TRPM8: variants seen among roughly 807,000 people sequenced by gnomAD.
TRPM8 encodes TRPM8 cationic channel.
In TRPM8, 110 loss-of-function variants were observed where a neutral mutation model predicts 133.7. The ratio of observed to expected loss-of-function variants is 0.82; its 90% CI spans 0.70 to 0.96. The LOEUF (loss-of-function observed/expected upper bound fraction) is 0.96, where lower values mean the gene tolerates loss of function less well. TRPM8 is among the 40% of genes least tolerant of loss of function. The probability of loss-of-function intolerance (pLI) is 0.00; values close to 1 mark genes in which losing one functional copy is unlikely to be tolerated. For synonymous variants in TRPM8, 535 were observed against 532.3 expected, an observed-to-expected ratio of 1.01 and a Z score of -0.07; for missense variants, 1,291 against 1,379.5, an observed-to-expected ratio of 0.94 and a Z score of 1.02.
At position 233,970,026 on chromosome 2, in the gene TRPM8, T is replaced by C. The variant is rs10929324; in HGVS notation, c.2139-184T>C. The C allele has an allele frequency of 5.3e-3, 3,685 of 690,964 alleles. 100 individuals are homozygous for C. In the African/African-American group the frequency reaches 0.059, roughly 11 times the overall value. 42.8% of individuals were successfully genotyped at this position (690,964 alleles called of 1,614,324 possible). A position where few individuals can be genotyped will look rare whatever the true frequency, so the allele number is the denominator to read the frequency against. Reference sequence around the variant, plus strand: ...TGTCTTTAATATCTGGGGCAGAATGTGGATTTGTTAATTGCAAAATGCCAA... The same window carrying C: ...TGTCTTTAATATCTGGGGCAGAATGCGGATTTGTTAATTGCAAAATGCCAA... On this transcript the variant is annotated intron_variant, in intron 16 of 25. Transcript: ENST00000324695.
intron 22 of TRPM8, among the ~76,000 whole-genome samples, chr2:233,997,821 G>A (rs1277538047): frequency 6.6e-6 from 1 of 152,086 alleles, no homozygotes; most frequent in African/African-American, 2.4e-5. Flanking sequence ...AAACTGGGGT[G>A]CAGGCTGCTC....
Position 233,960,867 on chromosome 2 carries a change from G to A in TRPM8, c.1454G>A (p.Arg485Gln), listed in dbSNP as rs200772894. 1.5e-5 allele frequency: 25 copies of A among 1,614,090 alleles called. No individual in the cohort carries two copies. The highest frequency in any genetic ancestry group is 1.3e-4 in the East Asian group (6 of 44,882). The part of the protein sequence containing the change: ...RLFLENGLNL[R>Q]KFLTHDVLTE... ...TTTCTGGAGAATGGCTTGAACCTAC[G>A]GAAGTTTCTCACCCATGATGTCCTC... The change falls in exon 12 of 26, where the codon CGG becomes CAG. Residue 485 changes from arginine to glutamine, a missense_variant. Coordinates refer to ENST00000324695, the MANE Select transcript of TRPM8 (RefSeq NM_024080.5).
At chr2:233,960,300 G>A (rs1371108696) in intron 11 of TRPM8, among the ~76,000 whole-genome samples, 1 of 152,148 alleles carries the variant, frequency 6.6e-6, no homozygotes, top group Admixed American at 6.5e-5. Flanking sequence ...TCTGTGAAGG[G>A]CAGCAGATCC....
Position 233,964,145 on chromosome 2 carries a change from G to A in TRPM8, c.1750-483G>A, listed in dbSNP as rs560874990. 5.3e-5 allele frequency among the ~76,000 whole-genome samples: 8 copies of A among 152,254 alleles called. No homozygotes were observed. The East Asian group carries it at 1.2e-3, about 22-fold the overall frequency. On this transcript the variant is annotated intron_variant, in intron 13 of 25. Coordinates refer to ENST00000324695, the MANE Select transcript of TRPM8 (RefSeq NM_024080.5). ...ACCCCAGAGCAGTTTCCATTTGCACGTGTTGACCATATTCTCTAACCCGTC... is the reference window on the plus strand; with the variant it reads ...ACCCCAGAGCAGTTTCCATTTGCACATGTTGACCATATTCTCTAACCCGTC...
At chr2:233,998,679 A>AGCCTGTGCCCATCCAGTTAGGGTGAGCC (rs1692471016) in intron 22 of TRPM8, among the ~76,000 whole-genome samples, 2 of 147,956 alleles carry the variant, frequency 1.4e-5, no homozygotes, top group African/African-American at 5.1e-5. Context: ...TAGGGTGAGC[A>AGCCTGTGCCCATCCAGTTAGGGTGAGCC]GCCTGTGCCC....
rs754153519 is a variant in TRPM8, at chr2:233,942,641, G to A, written c.592G>A (p.Asp198Asn). The change falls in exon 6 of 26, where the codon GAT (aspartate) becomes AAT (asparagine). Residue 198 changes from aspartate (D) to asparagine (N), a missense_variant. Coordinates refer to ENST00000324695, the MANE Select transcript of TRPM8 (RefSeq NM_024080.5). Reference protein sequence around the residue: ...LMKYIGEVVRDNTISRSSEEN... With the variant: ...LMKYIGEVVRNNTISRSSEEN... ...GAAGTACATCGGGGAGGTGGTGAGA[G>A]ATAACACCATCAGCAGGAGTTCAGA... 6.2e-7 allele frequency: 1 copy of A among 1,614,208 alleles called. No individual in the cohort carries two copies. The highest frequency in any genetic ancestry group is 8.5e-7 in the Non-Finnish European group (1 of 1,180,022).
chr2:233,993,220 T>G (rs961701098), intron 21 of TRPM8, among the ~76,000 whole-genome samples: 2 of 152,240 alleles, frequency 1.3e-5, no homozygotes, highest in Non-Finnish European at 2.9e-5. Flanking sequence ...TTCTTGCTAT[T>G]TGTCTGGGAA....
At chr2:234,005,096 T>C (rs1389558665) in intron 22 of TRPM8, among the ~76,000 whole-genome samples, 2 of 152,218 alleles carry the variant, frequency 1.3e-5, no homozygotes, top group East Asian at 1.9e-4. Context: ...CTTTTTTCCT[T>C]TGAGTTATTT....
At chr2:233,949,471 G>A (rs778390123) in intron 8 of TRPM8, among the ~76,000 whole-genome samples, 2 of 152,164 alleles carry the variant, frequency 1.3e-5, no homozygotes, top group Admixed American at 6.5e-5. Context: ...TATTTGAGGA[G>A]GGAAATATGT....
At chr2:233,933,390 G>A (rs1691719347) in intron 3 of TRPM8, among the ~76,000 whole-genome samples, 1 of 152,164 alleles carries the variant, frequency 6.6e-6, no homozygotes. Context: ...AACCACGTGA[G>A]GTCAGTGGCT....
At chr2:233,946,196 G>A (rs965595253) in intron 7 of TRPM8, 166 bp downstream of exon 7, 7 of 666,252 alleles carry the variant, frequency 1.1e-5, no homozygotes, top group East Asian at 8.3e-5. Context: ...AACACATCAG[G>A]AATGCTTCTG....
intron 11 of TRPM8, among the ~76,000 whole-genome samples, chr2:233,958,255 C>G (rs986139087): frequency 6.6e-6 from 1 of 152,150 alleles, no homozygotes; most frequent in Non-Finnish European, 1.5e-5. Flanking sequence ...ATTTCATCCT[C>G]GCAACCATCT....
At position 233,945,904 on chromosome 2, in the gene TRPM8, C is replaced by A; in HGVS notation, c.748C>A (p.Leu250Met). The stretch of plus-strand genomic sequence containing the variant: ...TATGGATGACTTCACAAGAGATCCA[C>A]TGTATATCCTGGACAACAACCACAC... The part of the protein sequence containing the change: ...YLMDDFTRDP[L>M]YILDNNHTHL... Residue 250 changes from leucine (L) to methionine (M), a missense_variant, in exon 7 of 26, where the codon CTG becomes ATG. This residue lies in a region of TRPM8 where 963 missense variants were observed against 968.9 expected (regional missense o/e 0.99). Coordinates refer to ENST00000324695, the MANE Select transcript of TRPM8 (RefSeq NM_024080.5). The A allele has an allele frequency of 6.2e-7, 1 of 1,614,154 alleles. No individual in the cohort carries two copies. The highest frequency in any genetic ancestry group is 8.5e-7 in the Non-Finnish European group (1 of 1,180,000).
In TRPM8 at chr2:233,944,607, T is replaced by G. The variant is rs1014005637; in HGVS notation, c.700-1249T>G. On this transcript the variant is annotated intron_variant, in intron 6 of 25. Coordinates refer to ENST00000324695, the MANE Select transcript of TRPM8 (RefSeq NM_024080.5). ...AACCATCTGCTAAACAAATGTTGGA[T>G]CTAGAATGATCTTTCAAAAATATAA... Among the ~76,000 whole-genome samples the G allele has an allele frequency of 3.3e-5, 5 of 152,132 alleles. 1 individual carries two copies. The highest frequency in any genetic ancestry group is 6.3e-3 in the Middle Eastern group (2 of 316).
rs1574741216 is a variant in TRPM8 at position 233,970,375 on chromosome 2, G to A, written c.2304G>A (p.Glu768=). The change falls in exon 17 of 26, where the codon GAG becomes GAA. Residue 768 remains glutamate (E), a synonymous_variant. Transcript: ENST00000324695. ...TCCATTCGGTGCCACACCCCCCCGAGCTGGTCCTGTACTCGCTGGTCTTTG... is the reference window on the plus strand; with the variant it reads ...TCCATTCGGTGCCACACCCCCCCGAACTGGTCCTGTACTCGCTGGTCTTTG... The part of the protein sequence containing the change: ...MDFHSVPHPP[E]LVLYSLVFVL... 1 of 1,614,110 alleles carries A rather than the reference G, an allele frequency of 6.2e-7. No homozygotes were observed. Among genetic ancestry groups the A allele is most frequent in the Non-Finnish European group, 8.5e-7 (1 of 1,180,028 alleles).
rs1691260047 is a variant in TRPM8, at chr2:233,955,141, C to T, written c.1253C>T (p.Thr418Ile). 3.1e-6 allele frequency: 5 copies of T among 1,613,582 alleles called. No individual in the cohort carries two copies. In the African/African-American group the frequency reaches 4.0e-5, roughly 13 times the overall value. ...ISYALYKAFS[T>I]SEQDKDNWNG... ...TCCTGCCCTCTCACAGCCTTCAGCA[C>T]CAGTGAGCAAGACAAGGATAACTGG... Residue 418 changes from threonine (T) to isoleucine (I), a missense_variant, in exon 11 of 26, where the codon ACC becomes ATC. By Grantham distance (89) the Thr-to-Ile change is moderately conservative (BLOSUM62 -1). Around this residue, in one of 2 missense-constraint regions of TRPM8, gnomAD observed 963 missense variants for 968.9 expected, o/e 0.99. Coordinates refer to ENST00000324695, the MANE Select transcript of TRPM8 (RefSeq NM_024080.5).
At position 234,018,966 on chromosome 2, in the gene TRPM8, C is replaced by G. The variant is rs2052030; in HGVS notation, c.*1710C>G. On this transcript the variant is annotated 3_prime_UTR_variant, in exon 26 of 26. Transcript: ENST00000324695. Reference sequence around the variant, plus strand: ...AGTCCCAGCTTTCTCTGGAAGTGGTCGTATTTGAGCAGGATGTGCACAAGG... The same window carrying G: ...AGTCCCAGCTTTCTCTGGAAGTGGTGGTATTTGAGCAGGATGTGCACAAGG... 112,605 of 152,072 alleles carry G rather than the reference C, an allele frequency of 0.74. 42,093 individuals carry two copies. The highest frequency in any genetic ancestry group is 0.83 in the African/African-American group (34,363 of 41,492). 9.4% of individuals were successfully genotyped at this position (152,072 alleles called of 1,614,324 possible).
rs190607134 is a variant in TRPM8 at position 233,963,104 on chromosome 2, G to T, written c.1654-178G>T. Reference sequence around the variant, plus strand: ...GTCTTTTATGACAGATGAAAGATTTGGTGTCAAAATTAGACCACCCAATGA... The same window carrying T: ...GTCTTTTATGACAGATGAAAGATTTTGTGTCAAAATTAGACCACCCAATGA... On this transcript the variant is annotated intron_variant, in intron 12 of 25. Coordinates refer to ENST00000324695, the MANE Select transcript of TRPM8 (RefSeq NM_024080.5). Among the ~76,000 whole-genome samples, 386 of 152,064 alleles carry T rather than the reference G, an allele frequency of 2.5e-3. 1 individual carries two copies. Among genetic ancestry groups the T allele is most frequent in the Non-Finnish European group, 2.7e-3 (183 of 68,002 alleles).
At chr2:233,958,228 T>C (rs1268892732) in intron 11 of TRPM8, among the ~76,000 whole-genome samples, 4 of 152,158 alleles carry the variant, frequency 2.6e-5, no homozygotes, top group African/African-American at 9.7e-5. Flanking sequence ...TGAGAGGAAT[T>C]TGACCTGTGT....
Sources: gnomAD v4.1 joint callset for allele counts (sites outside exome capture counted in the v4.1 genomes callset) on GRCh38, gnomAD v4.1.1 for gene constraint, gnomAD v4.1.1 regional missense constraint, MANE v1.5 for transcripts, NCBI Gene and HGNC (gene_info 2026-07-23, HGNC 2026-07-21) for gene names.